TTC28: variants seen among roughly 807,000 people sequenced by gnomAD.
TTC28 encodes tetratricopeptide repeat protein 28.
In TTC28, 61 loss-of-function variants were observed where a neutral mutation model predicts 198.0. The ratio of observed to expected loss-of-function variants is 0.31; its 90% CI spans 0.25 to 0.38. TTC28 has a LOEUF of 0.38. TTC28 is among the 10% of genes least tolerant of loss of function. The pLI is 1.00. For missense variants in TTC28, 2,678 were observed against 3,164.0 expected (o/e 0.85, Z 3.69); for synonymous variants, 1,171 against 1,297.8 (o/e 0.90, Z 2.10).
chr22:28,404,462 T>C (rs147604144), intron 2 of TTC28, among the ~76,000 whole-genome samples: 68 of 152,192 alleles, frequency 4.5e-4, no homozygotes, highest in African/African-American at 1.5e-3. Flanking sequence ...GCAAACGGTG[T>C]TGTTGGTAGA....
rs75552099 is a variant in TTC28 at position 28,344,076 on chromosome 22, T to C, written c.382-37433A>G. ...TCTTACAGTTATTTGATATCTGGCC[T>C]ATGCCTGTGAAACAATGTATTAACC... On this transcript the variant is annotated intron_variant, in intron 2 of 22. Transcript: ENST00000397906. 6.1e-3 allele frequency among the ~76,000 whole-genome samples: 932 copies of C among 151,952 alleles called. 7 individuals carry two copies. Among genetic ancestry groups the C allele is most frequent in the Non-Finnish European group, 8.8e-3 (601 of 68,000 alleles).
At chr22:28,399,355 C>T (rs140892020) in intron 2 of TTC28, among the ~76,000 whole-genome samples, 8 of 133,768 alleles carry the variant, frequency 6.0e-5, no homozygotes, top group Non-Finnish European at 1.2e-4. Context: ...CTTGCTCTGT[C>T]ACATAGGCTG....
chr22:28,187,925 T>C (rs929406584), intron 5 of TTC28, among the ~76,000 whole-genome samples: 6 of 152,254 alleles, frequency 3.9e-5, no homozygotes, highest in Non-Finnish European at 8.8e-5. Context: ...ATTTACATTG[T>C]AAGCATTCTG....
intron 2 of TTC28, among the ~76,000 whole-genome samples, chr22:28,390,174 G>A (rs189980686): frequency 6.6e-6 from 1 of 152,302 alleles, no homozygotes; most frequent in East Asian, 1.9e-4. Context: ...TCTTAACCCT[G>A]AGTTCTAATT....
At chr22:28,131,808 C>A (rs2146964615) in intron 6 of TTC28, among the ~76,000 whole-genome samples, 1 of 152,288 alleles carries the variant, frequency 6.6e-6, no homozygotes, top group East Asian at 1.9e-4. Flanking sequence ...TTTAGCACAG[C>A]TCCTGGAATG....
intron 5 of TTC28, among the ~76,000 whole-genome samples, chr22:28,170,609 T>C (rs1922573583): frequency 6.6e-6 from 1 of 152,238 alleles, no homozygotes; most frequent in South Asian, 2.1e-4. Context: ...TCTCTCTTCT[T>C]GTCTTCTTCC....
chr22:28,463,420 C>T (rs1034704906), intron 2 of TTC28, among the ~76,000 whole-genome samples: 1 of 152,066 alleles, frequency 6.6e-6, no homozygotes, highest in Admixed American at 6.6e-5. Context: ...TGGGTATATA[C>T]CCAAAGGATT....
chr22:28,605,730 T>C (rs979721896), intron 2 of TTC28, among the ~76,000 whole-genome samples: 11 of 152,200 alleles, frequency 7.2e-5, no homozygotes, highest in African/African-American at 2.7e-4. Flanking sequence ...TAATATGAAA[T>C]ACTATGAAGC....
chr22:28,091,885 G>T (rs1473115062), intron 12 of TTC28, among the ~76,000 whole-genome samples: 1 of 152,184 alleles, frequency 6.6e-6, no homozygotes. Flanking sequence ...ATGTATAAAT[G>T]GGCATAAGGG....
At chr22:28,102,306 A>G (rs181553115) in intron 8 of TTC28, among the ~76,000 whole-genome samples, 1 of 152,286 alleles carries the variant, frequency 6.6e-6, no homozygotes, top group Admixed American at 6.5e-5. Flanking sequence ...TAAGATTTTG[A>G]TGTGCCTCAG....
intron 5 of TTC28, among the ~76,000 whole-genome samples, chr22:28,181,162 T>C (rs1247210591): frequency 6.6e-6 from 1 of 152,166 alleles, no homozygotes; most frequent in Non-Finnish European, 1.5e-5. Flanking sequence ...TTTATCAAAA[T>C]TATATTAGGG....
intron 2 of TTC28, among the ~76,000 whole-genome samples, chr22:28,470,843 A>G (rs2048088120): frequency 6.6e-6 from 1 of 152,102 alleles, no homozygotes; most frequent in South Asian, 2.1e-4. Flanking sequence ...AACACAAGAG[A>G]AGTGAGTACT....
At chr22:28,264,108 T>C (rs751635682) in intron 5 of TTC28, among the ~76,000 whole-genome samples, 77 of 152,302 alleles carry the variant, frequency 5.1e-4, no homozygotes, top group Non-Finnish European at 9.8e-4. Context: ...TCTTGAATTA[T>C]AGCTCCCATA....
intron 6 of TTC28, among the ~76,000 whole-genome samples, chr22:28,132,045 G>C (rs1222411009): frequency 6.6e-6 from 1 of 152,080 alleles, no homozygotes; most frequent in Non-Finnish European, 1.5e-5. Flanking sequence ...GTGATACCTT[G>C]TTGACCACAA....
rs55726442 is a variant in TTC28, at chr22:28,153,395, TAAAAAA to T, written c.1441+9691_1441+9696del. ...TTGGGTATCCAGAAACTCAAAGAAT[TAAAAAA>T]AAAAAAAAAAAAAAAAACCTTCGTT... On this transcript the variant is annotated intron_variant, in intron 6 of 22. Transcript: ENST00000397906. Among the ~76,000 whole-genome samples, 5 of 97,146 alleles carry T rather than the reference TAAAAAA, an allele frequency of 5.1e-5. No homozygotes were observed. The East Asian group carries it at 1.3e-3, about 26-fold the overall frequency. The allele number at this position is 97,146 out of a possible 152,430, so 63.7% of individuals were successfully genotyped here.
Position 27,990,716 on chromosome 22 carries a change from G to A in TTC28, c.5577+73C>T, listed in dbSNP as rs1014429700. The A allele has an allele frequency of 3.8e-5, 56 of 1,459,566 alleles. No homozygotes were observed. The African/African-American group carries it at 7.6e-4, about 20-fold the overall frequency. The allele number at this position is 1,459,566 out of a possible 1,614,324, so 90.4% of individuals were successfully genotyped here. A position where few individuals can be genotyped will look rare whatever the true frequency, so the allele number is the denominator to read the frequency against. On this transcript the variant is annotated intron_variant, in intron 20 of 22. Coordinates refer to ENST00000397906, the MANE Select transcript of TTC28 (RefSeq NM_001145418.2). ...CACGTGCACCCCGAGCTCAGAGCCT[G>A]CCCAGGGGAACTCGGGGGTGGGTGG...
chr22:28,456,078 G>A (rs559561686), intron 2 of TTC28, among the ~76,000 whole-genome samples: 2 of 151,032 alleles, frequency 1.3e-5, no homozygotes, highest in African/African-American at 4.9e-5. Flanking sequence ...AGAATCACTC[G>A]AACCTGGGAG....
intron 13 of TTC28, among the ~76,000 whole-genome samples, chr22:28,022,079 G>T (rs2146605959): frequency 6.6e-6 from 1 of 152,380 alleles, no homozygotes; most frequent in East Asian, 1.9e-4. Context: ...TCAGGGGCAA[G>T]GCCCCACCAC....
intron 6 of TTC28, among the ~76,000 whole-genome samples, chr22:28,156,221 A>G (rs1943745815): frequency 6.6e-6 from 1 of 152,216 alleles, no homozygotes; most frequent in Non-Finnish European, 1.5e-5. Context: ...AAGGGAAATT[A>G]TCCTAGACCA....
Sources: allele counts gnomAD v4.1 joint callset (sites outside exome capture counted in the v4.1 genomes callset), GRCh38; gene constraint gnomAD v4.1.1; transcripts MANE v1.5; gene names NCBI Gene and HGNC (gene_info 2026-07-23, HGNC 2026-07-21).